Variants in ACYP2 observed in about 807,000 individuals in gnomAD.
ACYP2 encodes acylphosphatase-2.
Under a neutral mutation model 11.2 loss-of-function variants are expected in ACYP2, and 12 were observed. That is an observed-to-expected ratio of 1.08 (90% CI 0.69 to 1.74). The LOEUF (loss-of-function observed/expected upper bound fraction) is 1.74, where lower values mean the gene tolerates loss of function less well. Ranked by LOEUF, ACYP2 falls within the 40% of genes most tolerant of loss-of-function variation. ACYP2 has a pLI of 0.00. For missense variants in ACYP2, 134 were observed against 101.9 expected (o/e 1.31, Z -1.35); for synonymous variants, 43 against 32.2 (o/e 1.33, Z -1.13).
chr2:54,103,303 T>C (rs1384785771), intron 4 of ACYP2, among the ~76,000 whole-genome samples: 2 of 152,252 alleles, frequency 1.3e-5, no homozygotes, highest in African/African-American at 4.8e-5. Context: ...TCACATTCAT[T>C]CATAAACATT....
intron 6 of ACYP2, among the ~76,000 whole-genome samples, chr2:54,189,388 G>T (rs1367311272): frequency 6.6e-6 from 1 of 152,002 alleles, no homozygotes; most frequent in African/African-American, 2.4e-5. Context: ...GACTTTTTAA[G>T]ATTTCACATA....
At chr2:54,229,815 A>G (rs1363128042) in intron 6 of ACYP2, among the ~76,000 whole-genome samples, 2 of 152,202 alleles carry the variant, frequency 1.3e-5, no homozygotes, top group African/African-American at 4.8e-5. Context: ...TGTACTAAGA[A>G]GCTGTTTTCT....
chr2:54,298,401 G>C (rs1434975805), intron 6 of ACYP2, among the ~76,000 whole-genome samples: 1 of 152,180 alleles, frequency 6.6e-6, no homozygotes. Context: ...GCATGCATTT[G>C]CCTCTGCTCC....
intron 4 of ACYP2, among the ~76,000 whole-genome samples, chr2:54,099,092 G>T (rs530432152): frequency 8.5e-5 from 13 of 152,146 alleles, no homozygotes; most frequent in Non-Finnish European, 1.9e-4. Context: ...GAGGATGTTT[G>T]TGCTTGGATG....
At chr2:54,168,131 C>A (rs1009478142) in intron 6 of ACYP2, among the ~76,000 whole-genome samples, 1 of 151,996 alleles carries the variant, frequency 6.6e-6, no homozygotes, top group African/African-American at 2.4e-5. Context: ...TGTGTCAAAT[C>A]TGCTGTGTCC....
chr2:54,029,725 CTTGT>C (rs992591479), intron 2 of ACYP2: 1 of 591,262 alleles, frequency 1.7e-6, no homozygotes, highest in African/African-American at 1.9e-5. Context: ...TTGCCCTTAA[CTTGT>C]TTGTTTACAA....
intron 2 of ACYP2, among the ~76,000 whole-genome samples, chr2:54,029,040 T>C (rs756516465): frequency 1.3e-5 from 2 of 152,128 alleles, no homozygotes; most frequent in Non-Finnish European, 2.9e-5. Context: ...TGGTGTTGCC[T>C]GTGGTCCCCA....
chr2:54,070,832 G>A (rs1213634666), intron 4 of ACYP2, among the ~76,000 whole-genome samples: 1 of 151,570 alleles, frequency 6.6e-6, no homozygotes, highest in Non-Finnish European at 1.5e-5. Flanking sequence ...CAACACCCAG[G>A]CTCAAGTGAT....
intron 4 of ACYP2, among the ~76,000 whole-genome samples, chr2:54,102,785 T>C (rs1181731275): frequency 6.6e-6 from 1 of 152,094 alleles, no homozygotes; most frequent in African/African-American, 2.4e-5. Context: ...CCTGCTCTCC[T>C]CTTTGTTGGC....
At chr2:54,250,898 A>G (rs879746326) in intron 6 of ACYP2, among the ~76,000 whole-genome samples, 3 of 152,210 alleles carry the variant, frequency 2.0e-5, no homozygotes, top group Non-Finnish European at 4.4e-5. Flanking sequence ...TTATCTCTTA[A>G]TTATCAAATG....
intron 6 of ACYP2, among the ~76,000 whole-genome samples, chr2:54,256,440 T>C (rs1687539311): frequency 6.6e-6 from 1 of 152,208 alleles, no homozygotes; most frequent in Admixed American, 6.5e-5. Flanking sequence ...AACCTTCTCA[T>C]GTGTTTGTTG....
intron 6 of ACYP2, among the ~76,000 whole-genome samples, chr2:54,276,157 T>C (rs1190428355): frequency 6.6e-6 from 1 of 151,256 alleles, no homozygotes; most frequent in Non-Finnish European, 1.5e-5. Flanking sequence ...CTTGAGTTTT[T>C]ATCCCAAAAT....
At chr2:54,182,668 T>G (rs944944161) in intron 6 of ACYP2, among the ~76,000 whole-genome samples, 14 of 152,210 alleles carry the variant, frequency 9.2e-5, no homozygotes, top group African/African-American at 3.1e-4. Context: ...CCGTTTGGTG[T>G]CTGGACAGCC....
intron 6 of ACYP2, among the ~76,000 whole-genome samples, chr2:54,272,510 C>T (rs1166716499): frequency 6.6e-6 from 1 of 152,208 alleles, no homozygotes; most frequent in Non-Finnish European, 1.5e-5. Context: ...CTTGTTTTCA[C>T]TGCTCTCCAA....
intron 2 of ACYP2, among the ~76,000 whole-genome samples, chr2:54,018,566 A>C (rs1378153945): frequency 6.6e-6 from 1 of 151,998 alleles, no homozygotes; most frequent in Non-Finnish European, 1.5e-5. Flanking sequence ...TAATCCCAGC[A>C]CTTTGGGAGG....
chr2:54,242,535 A>T (rs1332140426), intron 6 of ACYP2, among the ~76,000 whole-genome samples: 1 of 152,260 alleles, frequency 6.6e-6, no homozygotes. Flanking sequence ...ATACAGTCAT[A>T]TGCCACATAA....
intron 6 of ACYP2, among the ~76,000 whole-genome samples, chr2:54,204,852 A>T (rs1000904227): frequency 1.3e-5 from 2 of 152,008 alleles, no homozygotes; most frequent in African/African-American, 4.8e-5. Context: ...TTGACATTTC[A>T]TTATTTCTGC....
chr2:54,094,451 A>G (rs913569477), intron 4 of ACYP2, among the ~76,000 whole-genome samples: 5 of 151,370 alleles, frequency 3.3e-5, no homozygotes, highest in Middle Eastern at 6.4e-3. Flanking sequence ...CTGGTCTCGA[A>G]CTCCTGACCT....
intron 2 of ACYP2, among the ~76,000 whole-genome samples, chr2:54,019,000 C>T (rs1350574850): frequency 6.6e-6 from 1 of 152,080 alleles, no homozygotes; most frequent in Non-Finnish European, 1.5e-5. Flanking sequence ...CTGCCTTGGC[C>T]TCCCAAAGTG....
Sources: allele counts gnomAD v4.1 joint callset (sites outside exome capture counted in the v4.1 genomes callset), GRCh38; gene constraint gnomAD v4.1.1; transcripts MANE v1.5; gene names NCBI Gene and HGNC (gene_info 2026-07-23, HGNC 2026-07-21).